Variants in SYCE2 observed in about 807,000 individuals in gnomAD.
SYCE2 encodes the protein synaptonemal complex central element protein 2.
SYCE2 carries 3 observed loss-of-function variants against 27.9 expected under a neutral mutation model. That is an observed-to-expected ratio of 0.11 (90% CI 0.05 to 0.28). The LOEUF (loss-of-function observed/expected upper bound fraction) is 0.28, where lower values mean the gene tolerates loss of function less well. Among genes scored for constraint, SYCE2 ranks in the 10% least tolerant of loss-of-function variants. The pLI is 1.00. For missense variants in SYCE2, 207 were observed against 263.5 expected, an observed-to-expected ratio of 0.79 and a Z score of 1.48; for synonymous variants, 85 against 100.7, an observed-to-expected ratio of 0.84 and a Z score of 0.93.
In SYCE2 at chr19:12,899,275, C is replaced by T. The variant is rs1970773721; in HGVS notation, c.*66G>A. The T allele has an allele frequency of 7.1e-7, 1 of 1,402,330 alleles. No individual in the cohort carries two copies. The highest frequency in any genetic ancestry group is 1.7e-5 in the Admixed American group (1 of 59,494). The allele number at this position is 1,402,330 out of a possible 1,614,324, so 86.9% of individuals were successfully genotyped here. On this transcript the variant is annotated 3_prime_UTR_variant, in exon 6 of 6. Transcript: ENST00000293695. ...CATGAAAAACAATTTCTCAGTGTGGCCCAAATGGTGGCCTCACAGTCTTCT... is the reference window on the plus strand; with the variant it reads ...CATGAAAAACAATTTCTCAGTGTGGTCCAAATGGTGGCCTCACAGTCTTCT...
At chr19:12,910,991 C>A (rs1429717784) in intron 2 of SYCE2, among the ~76,000 whole-genome samples, 1 of 150,932 alleles carries the variant, frequency 6.6e-6, no homozygotes, top group East Asian at 1.9e-4. Context: ...CTTTTTTTTT[C>A]TTTTGAAGGC....
chr19:12,899,924 G>A, intron 5 of SYCE2, 80 bp downstream of exon 5: 2 of 1,611,090 alleles, frequency 1.2e-6, no homozygotes, highest in East Asian at 2.2e-5. Context: ...TATGCTGGGT[G>A]TTGGAGCAGA....
intron 2 of SYCE2, among the ~76,000 whole-genome samples, chr19:12,907,762 G>C (rs1047696568): frequency 2.0e-5 from 3 of 152,058 alleles, no homozygotes; most frequent in Admixed American, 6.6e-5. Context: ...CTGCACTCCA[G>C]CCTGGGCAAC....
intron 2 of SYCE2, among the ~76,000 whole-genome samples, chr19:12,906,896 T>C (rs1404942644): frequency 6.6e-6 from 1 of 151,962 alleles, no homozygotes; most frequent in East Asian, 1.9e-4. Flanking sequence ...GTCTCAAAAA[T>C]AAATAAATTA....
At chr19:12,918,643 AAGG>A (rs1282268543) in intron 1 of SYCE2, among the ~76,000 whole-genome samples, 5 of 152,088 alleles carry the variant, frequency 3.3e-5, no homozygotes, top group Non-Finnish European at 7.4e-5. Context: ...TCCTTCGAGA[AAGG>A]AGAAGAGGTA....
intron 2 of SYCE2, among the ~76,000 whole-genome samples, chr19:12,916,253 T>G (rs1176747495): frequency 6.6e-6 from 1 of 152,032 alleles, no homozygotes; most frequent in Non-Finnish European, 1.5e-5. Context: ...GTATTTTTAG[T>G]AGAAACAGGG....
At chr19:12,913,386 C>T (rs1269383719) in intron 2 of SYCE2, among the ~76,000 whole-genome samples, 1 of 152,186 alleles carries the variant, frequency 6.6e-6, no homozygotes, top group Non-Finnish European at 1.5e-5. Context: ...CCCTCCGTGG[C>T]CTCTAACAGA....
chr19:12,899,746 C>T (rs373632930), intron 5 of SYCE2: 10 of 1,610,242 alleles, frequency 6.2e-6, no homozygotes, highest in South Asian at 1.1e-5. Flanking sequence ...CTCTGTAGAG[C>T]GTCTCAATCC....
chr19:12,900,912 G>A (rs1427745928), intron 3 of SYCE2, among the ~76,000 whole-genome samples: 1 of 152,122 alleles, frequency 6.6e-6, no homozygotes, highest in Non-Finnish European at 1.5e-5. Context: ...GGGTGTGGTG[G>A]CTCACGCCTG....
At chr19:12,904,990 C>A (rs538523755) in intron 2 of SYCE2, among the ~76,000 whole-genome samples, 1 of 149,216 alleles carries the variant, frequency 6.7e-6, no homozygotes, top group African/African-American at 2.5e-5. Context: ...GGTGACAGAG[C>A]GAGACTCCGT....
chr19:12,914,935 A>G (rs1010118674), intron 2 of SYCE2, among the ~76,000 whole-genome samples: 9 of 152,156 alleles, frequency 5.9e-5, no homozygotes, highest in African/African-American at 2.2e-4. Context: ...TATAACGGGA[A>G]CCTGAGCATG....
At chr19:12,913,450 G>C (rs537421853) in intron 2 of SYCE2, among the ~76,000 whole-genome samples, 3 of 152,136 alleles carry the variant, frequency 2.0e-5, no homozygotes, top group Non-Finnish European at 4.4e-5. Flanking sequence ...TGGCAGTCCC[G>C]GGAGAGGAGG....
chr19:12,909,967 A>C (rs1209382660), intron 2 of SYCE2, among the ~76,000 whole-genome samples: 1 of 152,048 alleles, frequency 6.6e-6, no homozygotes, highest in African/African-American at 2.4e-5. Flanking sequence ...CCCGGTTTCA[A>C]GCGATTCTCT....
intron 2 of SYCE2, among the ~76,000 whole-genome samples, chr19:12,917,082 T>G (rs1971151337): frequency 1.3e-5 from 2 of 149,250 alleles, no homozygotes; most frequent in Non-Finnish European, 3.0e-5. Context: ...TTTTTTTTTT[T>G]GAGACAGAGT....
intron 2 of SYCE2, among the ~76,000 whole-genome samples, chr19:12,911,017 G>T (rs1971037722): frequency 6.6e-6 from 1 of 151,140 alleles, no homozygotes; most frequent in Non-Finnish European, 1.5e-5. Context: ...TTGCTACATT[G>T]CCAAGCTGGA....
intron 5 of SYCE2, chr19:12,899,667 T>C (rs967065858): frequency 6.2e-7 from 1 of 1,612,180 alleles, no homozygotes; most frequent in Non-Finnish European, 8.5e-7. Context: ...TGAGAGACAC[T>C]GATTTTTAAA....
In SYCE2 at chr19:12,904,564, G is replaced by T; in HGVS notation, c.234C>A (p.Ile78=). The change falls in exon 3 of 6, where the codon ATC becomes ATA. Residue 78 remains isoleucine, a synonymous_variant. Coordinates refer to ENST00000293695, the MANE Select transcript of SYCE2 (RefSeq NM_001105578.2). ...DILQKRAQEL[I]ENINKSRQKD... ...TTTGCCGGCTCTTGTTGATGTTTTC[G>T]ATCAGCTCCTGGGCTCTCTTCTGCA... is the stretch of plus-strand genomic sequence containing the variant. 6.2e-7 allele frequency: 1 copy of T among 1,613,970 alleles called. No individual in the cohort carries two copies. The highest frequency in any genetic ancestry group is 1.1e-5 in the South Asian group (1 of 91,058).
At chr19:12,912,651 G>A (rs1377968706) in intron 2 of SYCE2, among the ~76,000 whole-genome samples, 1 of 152,172 alleles carries the variant, frequency 6.6e-6, no homozygotes, top group African/African-American at 2.4e-5. Context: ...ATCGATGAGA[G>A]CACCAGGTGT....
intron 2 of SYCE2, among the ~76,000 whole-genome samples, chr19:12,907,365 G>C (rs1970953535): frequency 6.6e-6 from 1 of 152,164 alleles, no homozygotes; most frequent in African/African-American, 2.4e-5. Context: ...TCCCCTCCTG[G>C]ATCTTACATT....
Sources: allele counts gnomAD v4.1 joint callset (sites outside exome capture counted in the v4.1 genomes callset), GRCh38; gene constraint gnomAD v4.1.1; transcripts MANE v1.5; gene names NCBI Gene and HGNC (gene_info 2026-07-23, HGNC 2026-07-21).